SPEN: variants seen among roughly 807,000 people sequenced by gnomAD.
SPEN encodes spen family transcriptional repressor, also known as msx2-interacting protein.
A neutral mutation model predicts 269.9 loss-of-function variants in SPEN; 18 were observed. The ratio of observed to expected loss-of-function variants is 0.07; its 90% confidence interval spans 0.05 to 0.10. The LOEUF is 0.10. SPEN is among the 10% of genes least tolerant of loss of function. SPEN has a pLI of 1.00. For synonymous variants in SPEN, 1,726 were observed against 1,765.7 expected, an observed-to-expected ratio of 0.98 and a Z score of 0.56; for missense variants, 3,822 against 4,631.2, an observed-to-expected ratio of 0.83 and a Z score of 5.07.
chr1:15,909,543 G>A lies in SPEN; in HGVS notation c.1042+62G>A, dbSNP rs544229836. ...CTACTGAGGAATGAGGTATGATACT[G>A]CATTACATTGAAATAACTTTGGGCA... On this transcript the variant is annotated intron_variant, in intron 4 of 14. Transcript: ENST00000375759. 4 of 1,427,876 alleles carry A rather than the reference G, an allele frequency of 2.8e-6. No individual in the cohort carries two copies. The East Asian group carries it at 9.3e-5, about 33-fold the overall frequency. The allele number at this position is 1,427,876 out of a possible 1,614,324, so 88.5% of individuals were successfully genotyped here.
At position 15,934,752 on chromosome 1, in the gene SPEN, C is replaced by A; in HGVS notation, c.8512C>A (p.Pro2838Thr). The A allele has an allele frequency of 6.2e-7, 1 of 1,614,088 alleles. No individual in the cohort carries two copies. Among genetic ancestry groups the A allele is most frequent in the Non-Finnish European group, 8.5e-7 (1 of 1,180,008 alleles). ...GATCAGCGCCAAGATCAGCCAGATC[C>A]CCCCGGCCAGTGCAATGGACATTGA... ...QRISAKISQI[P>T]PASAMDIEFQ... is the part of the protein sequence containing the mutation. The change falls in exon 11 of 15, where the codon CCC becomes ACC. Residue 2838 changes from proline to threonine, a missense_variant. Physicochemically the swap from Pro to Thr is conservative, Grantham distance 38. Around this residue, in one of 16 missense-constraint regions of SPEN, gnomAD observed 329 missense variants for 431.2 expected, o/e 0.76. Transcript: ENST00000375759. The surrounding 1 kb of genome is among the most constrained non-coding windows in gnomAD (Gnocchi z 9.2).
Position 15,931,854 on chromosome 1 carries a change from G to A in SPEN, c.5614G>A (p.Ala1872Thr), listed in dbSNP as rs2071224053. 41 of 1,614,212 alleles carry A rather than the reference G, an allele frequency of 2.5e-5. 1 individual carries two copies. Among genetic ancestry groups the A allele is most frequent in the Non-Finnish European group, 3.5e-5 (41 of 1,180,038 alleles). Residue 1872 changes from alanine to threonine, a missense_variant, in exon 11 of 15, where the codon GCA becomes ACA. This residue lies in a region of SPEN where 533 missense variants were observed against 618.8 expected (regional missense o/e 0.86). Transcript: ENST00000375759. This position sits in a 1 kb window ranked among gnomAD's most constrained non-coding sequence, Gnocchi z 4.8. ...AQKLLELKME[A>T]EKITRTASKN... ...GAAGCTTTTGGAATTGAAGATGGAG[G>A]CAGAGAAGATTACAAGGACTGCTTC...
intron 2 of SPEN, chr1:15,873,809 T>G (rs982124909): frequency 1.6e-5 from 16 of 1,028,738 alleles, no homozygotes; most frequent in African/African-American, 3.4e-5. Context: ...TCCTAAATCC[T>G]GGAATATAGC....
At position 15,934,546 on chromosome 1, in the gene SPEN, C is replaced by G. The variant is rs774958565; in HGVS notation, c.8306C>G (p.Pro2769Arg). 1 of 1,613,952 alleles carries G rather than the reference C, an allele frequency of 6.2e-7. No homozygotes were observed. Among genetic ancestry groups the G allele is most frequent in the Non-Finnish European group, 8.5e-7 (1 of 1,180,038 alleles). ...ACAATGGCAGGGGCAGTGATTGCGC[C>G]GTCAACAAAGTGCAAACAGAGAGCG... ...TVTMAGAVIA[P>R]STKCKQRASA... The change falls in exon 11 of 15, where the codon CCG becomes CGG. Residue 2769 changes from proline (P) to arginine (R), a missense_variant. Transcript: ENST00000375759. This position sits in a 1 kb window ranked among gnomAD's most constrained non-coding sequence, Gnocchi z 9.2.
chr1:15,904,337 C>T (rs1300822700), intron 3 of SPEN, among the ~76,000 whole-genome samples: 1 of 151,388 alleles, frequency 6.6e-6, no homozygotes, highest in Non-Finnish European at 1.5e-5. Context: ...ATCACCTGGG[C>T]CTGGCGGCCA....
chr1:15,937,477 T>G lies in SPEN; in HGVS notation c.10341T>G (p.Leu3447=). 1 of 1,613,912 alleles carries G rather than the reference T, an allele frequency of 6.2e-7. No homozygotes were observed. The highest frequency in any genetic ancestry group is 1.1e-5 in the South Asian group (1 of 91,072). The change falls in exon 12 of 15, where the codon CTT becomes CTG. Residue 3447 remains leucine, a synonymous_variant. Coordinates refer to ENST00000375759, the MANE Select transcript of SPEN (RefSeq NM_015001.3). This position sits in a 1 kb window ranked among gnomAD's most constrained non-coding sequence, Gnocchi z 5.7. ...VSMKPDLPVS[L]PTQTAPKQPL... is the part of the protein sequence containing the mutation. ...TGAAGCCTGACCTTCCAGTCTCTCT[T>G]CCCACTCAGACTGCCCCAAAACAGC... is the stretch of plus-strand genomic sequence containing the variant.
At position 15,849,100 on chromosome 1, in the gene SPEN, C is replaced by T. The variant is rs114653934; in HGVS notation, c.83+950C>T. The stretch of plus-strand genomic sequence containing the variant: ...TTTTCTTTGTGAAATGCCTGTGTAC[C>T]GTAACAGATAGGCCTCCGCATAAAA... On this transcript the variant is annotated intron_variant, in intron 1 of 14. Coordinates refer to ENST00000375759, the MANE Select transcript of SPEN (RefSeq NM_015001.3). 9.6e-3 allele frequency among the ~76,000 whole-genome samples: 1,464 copies of T among 152,208 alleles called. 28 individuals carry two copies. Among genetic ancestry groups the T allele is most frequent in the African/African-American group, 0.034 (1,396 of 41,540 alleles).
rs751926008 is a variant in SPEN at position 15,933,239 on chromosome 1, G to C, written c.6999G>C (p.Gln2333His). The change falls in exon 11 of 15, where the codon CAG becomes CAC. Residue 2333 changes from glutamine (Q) to histidine (H), a missense_variant. Physicochemically the swap from Gln to His is conservative, Grantham distance 24 (BLOSUM62 0). This residue lies in a region of SPEN where 727 missense variants were observed against 737.9 expected (regional missense o/e 0.99). Transcript: ENST00000375759. This position sits in a 1 kb window ranked among gnomAD's most constrained non-coding sequence, Gnocchi z 5.7. ...VTLVRKDKGRQKTTRSRRKRN... is the reference protein window; with the variant it reads ...VTLVRKDKGRHKTTRSRRKRN... ...TTGTTCGGAAAGACAAAGGGCGCCA[G>C]AAAACAACCCGATCACGCCGCAAGC... The C allele has an allele frequency of 6.2e-7, 1 of 1,614,170 alleles. No individual in the cohort carries two copies. Among genetic ancestry groups the C allele is most frequent in the South Asian group, 1.1e-5 (1 of 91,090 alleles).
intron 3 of SPEN, among the ~76,000 whole-genome samples, chr1:15,900,124 G>C (rs2070886285): frequency 6.6e-6 from 1 of 152,168 alleles, no homozygotes; most frequent in African/African-American, 2.4e-5. Context: ...GGGATTACAG[G>C]CATGAGCCAC....
chr1:15,937,040 C>A lies in SPEN; in HGVS notation c.10027-123C>A. 1 of 1,411,912 alleles carries A rather than the reference C, an allele frequency of 7.1e-7. No homozygotes were observed. Among genetic ancestry groups the A allele is most frequent in the Non-Finnish European group, 9.6e-7 (1 of 1,044,834 alleles). 87.5% of individuals were successfully genotyped at this position (1,411,912 alleles called of 1,614,324 possible). ...CGTTGATTCAGGCTCCTTCTGTGGG[C>A]CTGACTTAACGGGAGATGCCACATC... is the stretch of plus-strand genomic sequence containing the variant. On this transcript the variant is annotated intron_variant, in intron 11 of 14. Transcript: ENST00000375759. The surrounding 1 kb of genome is among the most constrained non-coding windows in gnomAD (Gnocchi z 5.7).
Position 15,932,514 on chromosome 1 carries a change from A to C in SPEN, c.6274A>C (p.Ser2092Arg). 1 of 1,602,596 alleles carries C rather than the reference A, an allele frequency of 6.2e-7. No homozygotes were observed. The highest frequency in any genetic ancestry group is 8.5e-7 in the Non-Finnish European group (1 of 1,172,996). Residue 2092 changes from serine (S) to arginine (R), a missense_variant, in exon 11 of 15, where the codon AGT becomes CGT. Transcript: ENST00000375759. The surrounding 1 kb of genome is among the most constrained non-coding windows in gnomAD (Gnocchi z 4.2). ...CAGGTTAGCAGTGGACAAATCTGCA[A>C]GTCTGAAAAATGTGGATGCTGCTGT... ...NSRLAVDKSASLKNVDAAVSP... is the reference protein window; with the variant it reads ...NSRLAVDKSARLKNVDAAVSP...
chr1:15,937,108 G>A lies in SPEN; in HGVS notation c.10027-55G>A. ...CCCTTTGGGTCATTTGTTGGTCTCAGGGGCTTGTGCACAACAGACTGACTC... is the reference window on the plus strand; with the variant it reads ...CCCTTTGGGTCATTTGTTGGTCTCAAGGGCTTGTGCACAACAGACTGACTC... On this transcript the variant is annotated intron_variant, in intron 11 of 14. Transcript: ENST00000375759. This position sits in a 1 kb window ranked among gnomAD's most constrained non-coding sequence, Gnocchi z 5.7. 6.4e-7 allele frequency: 1 copy of A among 1,560,582 alleles called. No individual in the cohort carries two copies. Among genetic ancestry groups the A allele is most frequent in the Non-Finnish European group, 8.7e-7 (1 of 1,150,384 alleles).
chr1:15,915,452 A>G (rs2071049417), intron 5 of SPEN, among the ~76,000 whole-genome samples: 1 of 152,152 alleles, frequency 6.6e-6, no homozygotes, highest in Admixed American at 6.5e-5. Context: ...TCCTGCCAGT[A>G]CACTCCAGTC....
In SPEN at chr1:15,937,159, C is replaced by T. The variant is rs774771480; in HGVS notation, c.10027-4C>T. On this transcript the variant is annotated splice_polypyrimidine_tract_variant and splice_region_variant and intron_variant, in intron 11 of 14. Coordinates refer to ENST00000375759, the MANE Select transcript of SPEN (RefSeq NM_015001.3). This position sits in a 1 kb window ranked among gnomAD's most constrained non-coding sequence, Gnocchi z 5.7. The stretch of plus-strand genomic sequence containing the variant: ...TGTCCCTTTGCCTTCCTTCCCTACA[C>T]CAGGGCCCTCCTCCTGAAGGTGAGC... 1.2e-6 allele frequency: 2 copies of T among 1,608,958 alleles called. No homozygotes were observed. The highest frequency in any genetic ancestry group is 2.2e-5 in the East Asian group (1 of 44,720).
At chr1:15,892,085 A>T (rs1004837262) in intron 3 of SPEN, among the ~76,000 whole-genome samples, 2 of 131,648 alleles carry the variant, frequency 1.5e-5, no homozygotes, top group African/African-American at 3.0e-5. Context: ...CAGTGGCGTA[A>T]TCTTGGCTCA....
In SPEN at chr1:15,934,524, A is replaced by G. The variant is rs145011469; in HGVS notation, c.8284A>G (p.Met2762Val). The G allele has an allele frequency of 1.9e-6, 3 of 1,614,006 alleles. No homozygotes were observed. The highest frequency in any genetic ancestry group is 1.3e-5 in the African/African-American group (1 of 74,940). Residue 2762 changes from methionine (M) to valine (V), a missense_variant, in exon 11 of 15, where the codon ATG becomes GTG. Physicochemically the swap from Met to Val is conservative, Grantham distance 21. Transcript: ENST00000375759. The surrounding 1 kb of genome is among the most constrained non-coding windows in gnomAD (Gnocchi z 9.2). ...GVTATTGTVT[M>V]AGAVIAPSTK... ...AACGGCCACAACAGGCACGGTGACA[A>G]TGGCAGGGGCAGTGATTGCGCCGTC...
At chr1:15,849,530 T>C in intron 1 of SPEN, among the ~76,000 whole-genome samples, 1 of 152,136 alleles carries the variant, frequency 6.6e-6, no homozygotes, top group East Asian at 1.9e-4. Flanking sequence ...CATAACCTGC[T>C]TGAGCTGTCC....
intron 3 of SPEN, among the ~76,000 whole-genome samples, chr1:15,892,877 TC>T (rs1342540196): frequency 1.3e-5 from 2 of 152,152 alleles, no homozygotes; most frequent in Non-Finnish European, 2.9e-5. Flanking sequence ...GGCAGGCAGA[TC>T]ACCTGAGGTC....
At chr1:15,869,862 A>G (rs745743937) in intron 1 of SPEN, among the ~76,000 whole-genome samples, 3 of 147,336 alleles carry the variant, frequency 2.0e-5, no homozygotes, top group Non-Finnish European at 4.5e-5. Flanking sequence ...TTGTCTGTCT[A>G]TAGTTATTGA....
Sources: gnomAD v4.1 joint callset for allele counts (sites outside exome capture counted in the v4.1 genomes callset) on GRCh38, gnomAD v4.1.1 for gene constraint, gnomAD v4.1.1 regional missense constraint, Gnocchi (gnomAD v3.1) non-coding constraint, MANE v1.5 for transcripts, NCBI Gene and HGNC (gene_info 2026-07-23, HGNC 2026-07-21) for gene names.